Variants in MAML2 observed in about 807,000 individuals in gnomAD.
MAML2 encodes mastermind like transcriptional coactivator 2, also known as mastermind-like protein 2.
MAML2 carries 22 observed loss-of-function variants against 96.1 expected under a neutral mutation model. The observed-to-expected ratio is 0.23, with a 90% CI of 0.16 to 0.33. MAML2 has a LOEUF of 0.33. Among genes scored for constraint, MAML2 ranks in the 10% least tolerant of loss-of-function variants. The probability of loss-of-function intolerance (pLI) is 1.00; values close to 1 mark genes in which losing one functional copy is unlikely to be tolerated. For missense variants in MAML2, 1,367 were observed against 1,392.4 expected, an observed-to-expected ratio of 0.98 and a Z score of 0.29; for synonymous variants, 561 against 521.3, an observed-to-expected ratio of 1.08 and a Z score of -1.04.
chr11:96,302,532 G>A (rs1863400016), intron 1 of MAML2, among the ~76,000 whole-genome samples: 1 of 152,188 alleles, frequency 6.6e-6, no homozygotes, highest in Non-Finnish European at 1.5e-5. Flanking sequence ...CTCACTCCTG[G>A]AGGTTGGGGA....
chr11:96,024,632 A>T (rs181598218), intron 2 of MAML2, among the ~76,000 whole-genome samples: 8 of 152,296 alleles, frequency 5.3e-5, no homozygotes, highest in Admixed American at 2.0e-4. Context: ...TTTCCTACTG[A>T]GTAGAGTAAA....
intron 1 of MAML2, among the ~76,000 whole-genome samples, chr11:96,114,238 A>G (rs1860195074): frequency 6.6e-6 from 1 of 152,156 alleles, no homozygotes; most frequent in African/African-American, 2.4e-5. Flanking sequence ...ATGTCTTCTG[A>G]GGGAAATCCT....
At position 96,134,862 on chromosome 11, in the gene MAML2, CT is replaced by C. The variant is rs150622092; in HGVS notation, c.514-41346del. Among the ~76,000 whole-genome samples the C allele has an allele frequency of 7.5e-3, 1,146 of 152,324 alleles. 12 individuals carry two copies. Among genetic ancestry groups the C allele is most frequent in the African/African-American group, 0.026 (1,095 of 41,570 alleles). On this transcript the variant is annotated intron_variant, in intron 1 of 4. Transcript: ENST00000524717. ...TATTAGGAGAATAAACCAAACTCTCCTTCTAAAAGTCGAGTTGCAGGCATGT... is the reference window on the plus strand; with the variant it reads ...TATTAGGAGAATAAACCAAACTCTCCTCTAAAAGTCGAGTTGCAGGCATGT...
intron 1 of MAML2, among the ~76,000 whole-genome samples, chr11:96,175,936 T>C (rs1422762276): frequency 2.0e-5 from 3 of 152,162 alleles, no homozygotes; most frequent in Non-Finnish European, 4.4e-5. Flanking sequence ...CTATTGTGAA[T>C]GCAAAATATA....
intron 2 of MAML2, among the ~76,000 whole-genome samples, chr11:96,084,653 T>C (rs1859579628): frequency 6.6e-6 from 1 of 152,112 alleles, no homozygotes; most frequent in South Asian, 2.1e-4. Context: ...GGTTCAAAAT[T>C]GGTCTGCAGG....
chr11:95,983,213 C>G (rs576716082), intron 4 of MAML2, among the ~76,000 whole-genome samples: 12 of 152,120 alleles, frequency 7.9e-5, no homozygotes, highest in Admixed American at 5.9e-4. Context: ...TGATCCTGAC[C>G]CTGTGCAGGC....
Position 95,991,503 on chromosome 11 carries a change from T to G in MAML2, c.2343+17A>C. Reference sequence around the variant, plus strand: ...GGTCAACAGGTTTGTTCAGTAGAAATTAAGAGAAAGTTTTACCGCGTCAGC... The same window carrying G: ...GGTCAACAGGTTTGTTCAGTAGAAAGTAAGAGAAAGTTTTACCGCGTCAGC... On this transcript the variant is annotated intron_variant, in intron 3 of 4. Transcript: ENST00000524717. 1 of 1,612,412 alleles carries G rather than the reference T, an allele frequency of 6.2e-7. No homozygotes were observed. The highest frequency in any genetic ancestry group is 8.5e-7 in the Non-Finnish European group (1 of 1,178,624).
chr11:96,257,237 G>A (rs925267025), intron 1 of MAML2, among the ~76,000 whole-genome samples: 4 of 152,146 alleles, frequency 2.6e-5, no homozygotes, highest in Non-Finnish European at 2.9e-5. Context: ...AGAGATAACT[G>A]GTTTGCATCA....
At chr11:96,326,358 C>CCTGTGTGTGTGT (rs111725703) in intron 1 of MAML2, among the ~76,000 whole-genome samples, 1 of 147,638 alleles carries the variant, frequency 6.8e-6, no homozygotes, top group African/African-American at 2.5e-5. Context: ...CACACTAAAG[C>CCTGTGTGTGTGT]GTGTGTGTGT....
At chr11:96,091,110 C>T (rs1251981725) in intron 2 of MAML2, among the ~76,000 whole-genome samples, 5 of 152,080 alleles carry the variant, frequency 3.3e-5, no homozygotes, top group Non-Finnish European at 7.4e-5. Flanking sequence ...ACGTTTGGGG[C>T]GGAATAAACC....
intron 1 of MAML2, among the ~76,000 whole-genome samples, chr11:96,209,367 G>A (rs1472055322): frequency 6.6e-6 from 1 of 152,112 alleles, no homozygotes; most frequent in Non-Finnish European, 1.5e-5. Context: ...GCTGGGTGCA[G>A]TGGCTCACGC....
chr11:96,302,034 C>G (rs1174753984), intron 1 of MAML2, among the ~76,000 whole-genome samples: 1 of 152,186 alleles, frequency 6.6e-6, no homozygotes, highest in Non-Finnish European at 1.5e-5. Context: ...AAAATACAGT[C>G]TCATGCCACC....
intron 1 of MAML2, among the ~76,000 whole-genome samples, chr11:96,261,380 T>G (rs1005992372): frequency 6.6e-6 from 1 of 152,104 alleles, no homozygotes; most frequent in African/African-American, 2.4e-5. Context: ...CTTTATAAAT[T>G]ACCCAGTTTT....
chr11:96,176,287 A>G (rs1022615896), intron 1 of MAML2, among the ~76,000 whole-genome samples: 3 of 152,248 alleles, frequency 2.0e-5, no homozygotes, highest in African/African-American at 7.2e-5. Flanking sequence ...CTTTATGGAA[A>G]GATAGATTTC....
intron 1 of MAML2, among the ~76,000 whole-genome samples, chr11:96,115,112 G>A (rs1321962380): frequency 1.3e-5 from 2 of 151,936 alleles, no homozygotes; most frequent in Non-Finnish European, 2.9e-5. Flanking sequence ...GAGGTTTAAG[G>A]GGTACATATT....
intron 1 of MAML2, among the ~76,000 whole-genome samples, chr11:96,206,324 G>A (rs1591072119): frequency 1.3e-5 from 2 of 152,182 alleles, no homozygotes; most frequent in African/African-American, 4.8e-5. Flanking sequence ...ATAGGCGGGT[G>A]CGGTGGCTCA....
intron 1 of MAML2, among the ~76,000 whole-genome samples, chr11:96,256,823 A>G (rs144137328): frequency 1.3e-5 from 2 of 152,230 alleles, no homozygotes; most frequent in Non-Finnish European, 2.9e-5. Context: ...GCTGCAATAC[A>G]TCTGGTTTGA....
intron 3 of MAML2, among the ~76,000 whole-genome samples, chr11:95,987,278 G>T (rs185465366): frequency 1.2e-4 from 18 of 152,232 alleles, no homozygotes; most frequent in Middle Eastern, 3.4e-3. Context: ...TTTTATCATG[G>T]TCTCAGAGTA....
intron 2 of MAML2, among the ~76,000 whole-genome samples, 173 bp from the exon 3 acceptor site, chr11:95,991,896 T>C (rs1357160138): frequency 2.0e-5 from 3 of 152,144 alleles, no homozygotes; most frequent in African/African-American, 7.2e-5. Context: ...AATAATTGCA[T>C]AACACAGCAA....
Sources: allele counts gnomAD v4.1 joint callset (sites outside exome capture counted in the v4.1 genomes callset), GRCh38; gene constraint gnomAD v4.1.1; transcripts MANE v1.5; gene names NCBI Gene and HGNC (gene_info 2026-07-23, HGNC 2026-07-21).